Variants in LHPP observed in about 807,000 individuals in gnomAD.
LHPP encodes the protein phospholysine phosphohistidine inorganic pyrophosphate phosphatase.
Under a neutral mutation model 30.3 loss-of-function variants are expected in LHPP, and 24 were observed. The ratio of observed to expected loss-of-function variants is 0.79; its 90% CI spans 0.57 to 1.11. The LOEUF (loss-of-function observed/expected upper bound fraction) is 1.11, where lower values mean the gene tolerates loss of function less well. LHPP is among the 50% of genes most tolerant of loss of function. The pLI, the probability that LHPP is intolerant of heterozygous loss-of-function variation, is 0.00. For synonymous variants in LHPP, 150 were observed against 157.1 expected (o/e 0.95, Z 0.34); for missense variants, 356 against 367.2 (o/e 0.97, Z 0.25).
At chr10:124,491,807 C>T (rs1236010564) in intron 3 of LHPP, among the ~76,000 whole-genome samples, 1 of 152,142 alleles carries the variant, frequency 6.6e-6, no homozygotes, top group Non-Finnish European at 1.5e-5. Flanking sequence ...TGCCTATAGT[C>T]CCAGCTACTC....
intron 5 of LHPP, chr10:124,498,882 C>CAT (rs780252099): frequency 1.0e-5 from 2 of 193,428 alleles, no homozygotes; most frequent in African/African-American, 6.0e-5. Context: ...GCCTGGCAAA[C>CAT]TTTTTTTTTT....
intron 5 of LHPP, among the ~76,000 whole-genome samples, chr10:124,509,081 G>A (rs1344396992): frequency 6.6e-6 from 1 of 152,080 alleles, no homozygotes; most frequent in Non-Finnish European, 1.5e-5. Context: ...GTGTCCATGT[G>A]TATTCAGTAT....
At chr10:124,605,457 G>C (rs997091996) in intron 6 of LHPP, 8 of 152,370 alleles carry the variant, frequency 5.3e-5, no homozygotes, top group African/African-American at 1.9e-4. Context: ...CATTCTGCAT[G>C]CTCAGAAGAG....
intron 5 of LHPP, among the ~76,000 whole-genome samples, chr10:124,516,679 C>CTG (rs1176388991): frequency 6.6e-6 from 1 of 152,054 alleles, no homozygotes; most frequent in African/African-American, 2.4e-5. Flanking sequence ...AGCATTTCCT[C>CTG]TGTGTGTGTG....
intron 6 of LHPP, among the ~76,000 whole-genome samples, chr10:124,540,621 G>A (rs1044445013): frequency 2.0e-5 from 3 of 152,184 alleles, no homozygotes; most frequent in African/African-American, 7.2e-5. Context: ...GGGTGGCCTC[G>A]CACACCCCTG....
chr10:124,556,879 TA>T (rs1948309419), intron 6 of LHPP, among the ~76,000 whole-genome samples: 1 of 152,240 alleles, frequency 6.6e-6, no homozygotes, highest in Non-Finnish European at 1.5e-5. Flanking sequence ...GGCTCTTCTT[TA>T]ATGGGAAATC....
At position 124,510,327 on chromosome 10, in the gene LHPP, A is replaced by T. The variant is rs932990361; in HGVS notation, c.625-6853A>T. 5.9e-5 allele frequency among the ~76,000 whole-genome samples: 9 copies of T among 152,174 alleles called. No individual in the cohort carries two copies. The highest frequency in any genetic ancestry group is 2.9e-5 in the Non-Finnish European group (2 of 68,026). ...GGGAATCCCCTGGGGTCCTGAGCGC[A>T]CTTTGGTATGCGGAGCCCACAAGCT... is the stretch of plus-strand genomic sequence containing the variant. On this transcript the variant is annotated intron_variant, in intron 5 of 6. Coordinates refer to ENST00000368842, the MANE Select transcript of LHPP (RefSeq NM_022126.4). This position sits in a 1 kb window ranked among gnomAD's most constrained non-coding sequence, Gnocchi z 4.0.
rs1953006561 is a variant in LHPP at position 124,478,064 on chromosome 10, G to A, written c.126-6075G>A. Among the ~76,000 whole-genome samples the A allele has an allele frequency of 6.6e-6, 1 of 152,144 alleles. No individual in the cohort carries two copies. Among genetic ancestry groups the A allele is most frequent in the South Asian group, 2.1e-4 (1 of 4,832 alleles). ...GCTGATCTTGGCTCCACTGTGGTTG[G>A]GCACCAGGCATGGCAGAGGTGCTGA... On this transcript the variant is annotated intron_variant, in intron 1 of 6. Transcript: ENST00000368842. This position sits in a 1 kb window ranked among gnomAD's most constrained non-coding sequence, Gnocchi z 4.7.
At chr10:124,497,776 C>T (rs1416936588) in intron 4 of LHPP, among the ~76,000 whole-genome samples, 1 of 152,156 alleles carries the variant, frequency 6.6e-6, no homozygotes, top group African/African-American at 2.4e-5. Flanking sequence ...GTAGTTTTGC[C>T]AGCTCTTGGA....
intron 3 of LHPP, among the ~76,000 whole-genome samples, chr10:124,488,926 A>G (rs574979869): frequency 1.3e-5 from 2 of 152,252 alleles, no homozygotes; most frequent in South Asian, 4.1e-4. Flanking sequence ...GCATTTGCAT[A>G]GGATGTAGCA....
At position 124,596,209 on chromosome 10, in the gene LHPP, C is replaced by T. The variant is rs1948939879; in HGVS notation, c.717-17055C>T. 6.6e-6 allele frequency among the ~76,000 whole-genome samples: 1 copy of T among 152,028 alleles called. No individual in the cohort carries two copies. On this transcript the variant is annotated intron_variant, in intron 6 of 6. Coordinates refer to ENST00000368842, the MANE Select transcript of LHPP (RefSeq NM_022126.4). This position sits in a 1 kb window ranked among gnomAD's most constrained non-coding sequence, Gnocchi z 4.6. ...TGGGGTCCTTATGAACAGAGCTGAT[C>T]AGAACATATCTGTCCATGGCTCTTG...
chr10:124,592,621 G>A lies in LHPP; in HGVS notation c.717-20643G>A, dbSNP rs2134002909. ...CCAACCACCACCATGCCCATGGCTG[G>A]TGCCCAGGAGGTGGGAGCTGTGGAG... On this transcript the variant is annotated intron_variant, in intron 6 of 6. Coordinates refer to ENST00000368842, the MANE Select transcript of LHPP (RefSeq NM_022126.4). The surrounding 1 kb of genome is among the most constrained non-coding windows in gnomAD (Gnocchi z 6.2). Among the ~76,000 whole-genome samples, 1 of 152,294 alleles carries A rather than the reference G, an allele frequency of 6.6e-6. No homozygotes were observed. Among genetic ancestry groups the A allele is most frequent in the Non-Finnish European group, 1.5e-5 (1 of 68,018 alleles).
At chr10:124,558,111 T>A (rs1194443248) in intron 6 of LHPP, among the ~76,000 whole-genome samples, 1 of 152,128 alleles carries the variant, frequency 6.6e-6, no homozygotes, top group African/African-American at 2.4e-5. Flanking sequence ...GGCTCCGTTT[T>A]CTTGTGCTGC....
chr10:124,474,417 A>G (rs1259780855), intron 1 of LHPP, among the ~76,000 whole-genome samples: 1 of 152,040 alleles, frequency 6.6e-6, no homozygotes, highest in African/African-American at 2.4e-5. Context: ...TGGGATTACA[A>G]GTATGAACCA....
intron 6 of LHPP, among the ~76,000 whole-genome samples, chr10:124,521,837 C>T (rs556800459): frequency 4.2e-4 from 64 of 152,190 alleles, no homozygotes; most frequent in Non-Finnish European, 8.2e-4. Context: ...TCTTCTAGTA[C>T]GGAGCACGCA....
At position 124,517,232 on chromosome 10, in the gene LHPP, G is replaced by A; in HGVS notation, c.677G>A (p.Cys226Tyr). The change falls in exon 6 of 7, where the codon TGT becomes TAT. Residue 226 changes from cysteine (C) to tyrosine (Y), a missense_variant. Transcript: ENST00000368842. This position sits in a 1 kb window ranked among gnomAD's most constrained non-coding sequence, Gnocchi z 4.1. Reference protein sequence around the residue: ...IVGDVGGAQRCGMRALQVRTG... With the variant: ...IVGDVGGAQRYGMRALQVRTG... The stretch of plus-strand genomic sequence containing the variant: ...GGCGACGTCGGCGGTGCCCAGCGGT[G>A]TGGAATGAGAGCGCTGCAGGTGCGC... 6.2e-7 allele frequency: 1 copy of A among 1,606,544 alleles called. No individual in the cohort carries two copies. The highest frequency in any genetic ancestry group is 8.5e-7 in the Non-Finnish European group (1 of 1,176,926).
At chr10:124,467,247 G>A (rs1449801723) in intron 1 of LHPP, among the ~76,000 whole-genome samples, 1 of 152,098 alleles carries the variant, frequency 6.6e-6, no homozygotes, top group Admixed American at 6.6e-5. Flanking sequence ...AATGGAGATG[G>A]GGAGGAAGGC....
At chr10:124,536,075 A>G (rs1189396995) in intron 6 of LHPP, among the ~76,000 whole-genome samples, 2 of 152,362 alleles carry the variant, frequency 1.3e-5, no homozygotes, top group East Asian at 3.9e-4. Flanking sequence ...CCTGTTACAG[A>G]CGCGGAAGCC....
intron 6 of LHPP, among the ~76,000 whole-genome samples, chr10:124,555,439 C>T (rs559417938): frequency 1.5e-4 from 23 of 152,242 alleles, no homozygotes; most frequent in African/African-American, 5.1e-4. Flanking sequence ...GTCCAAAGCC[C>T]GGCTGGGTCC....
Sources: allele counts gnomAD v4.1 joint callset (sites outside exome capture counted in the v4.1 genomes callset), GRCh38; gene constraint gnomAD v4.1.1; non-coding constraint Gnocchi (gnomAD v3.1); transcripts MANE v1.5; gene names NCBI Gene and HGNC (gene_info 2026-07-23, HGNC 2026-07-21).